The following PPARGC1A variants were observed in gnomAD, a reference collection of about 807,000 sequenced individuals.
The protein encoded by PPARGC1A is peroxisome proliferator-activated receptor gamma coactivator 1-alpha.
A neutral mutation model predicts 88.7 loss-of-function variants in PPARGC1A; 25 were observed. The ratio of observed to expected loss-of-function variants is 0.28; its 90% CI spans 0.21 to 0.39. The LOEUF is 0.39. PPARGC1A is among the 10% of genes least tolerant of loss of function. The pLI is 1.00. For missense variants in PPARGC1A, 880 were observed against 968.7 expected, an observed-to-expected ratio of 0.91 and a Z score of 1.22; for synonymous variants, 363 against 355.6, an observed-to-expected ratio of 1.02 and a Z score of -0.24.
At chr4:23,850,119 A>G (rs1195678429) in intron 2 of PPARGC1A, among the ~76,000 whole-genome samples, 3 of 152,202 alleles carry the variant, frequency 2.0e-5, no homozygotes, top group East Asian at 3.9e-4. Flanking sequence ...TGTTTGAGCT[A>G]CGGGCTTCAG....
chr4:24,361,199 C>A, the PPARGC1A span, among the ~76,000 whole-genome samples: 1 of 151,958 alleles, frequency 6.6e-6, no homozygotes, highest in African/African-American at 2.4e-5. Flanking sequence ...GAGGACAGGG[C>A]GAGAGGTTTA....
chr4:24,278,878 C>T, the PPARGC1A span, among the ~76,000 whole-genome samples: 2 of 152,190 alleles, frequency 1.3e-5, no homozygotes, highest in African/African-American at 2.4e-5. Context: ...GAACAGAAAG[C>T]ATCCACATCA....
At chr4:24,432,530 C>A in the PPARGC1A span, among the ~76,000 whole-genome samples, 1 of 152,192 alleles carries the variant, frequency 6.6e-6, no homozygotes, top group Non-Finnish European at 1.5e-5. Flanking sequence ...TTTAGCGATG[C>A]ATAGAGCGCC....
the PPARGC1A span, among the ~76,000 whole-genome samples, chr4:24,464,426 C>T: frequency 6.6e-6 from 1 of 152,162 alleles, no homozygotes; most frequent in African/African-American, 2.4e-5. Context: ...AATGAAACTA[C>T]AGAATCATAA....
chr4:24,359,217 C>A, the PPARGC1A span, among the ~76,000 whole-genome samples: 3 of 151,906 alleles, frequency 2.0e-5, no homozygotes, highest in Non-Finnish European at 4.4e-5. Flanking sequence ...TATACAAAAT[C>A]AAATAACTTC....
chr4:24,439,271 A>G, the PPARGC1A span, among the ~76,000 whole-genome samples: 2 of 152,218 alleles, frequency 1.3e-5, no homozygotes, highest in African/African-American at 2.4e-5. Flanking sequence ...GGAAAGGCTC[A>G]GGTGAGAGGA....
At chr4:24,453,122 T>C in the PPARGC1A span, among the ~76,000 whole-genome samples, 1 of 152,124 alleles carries the variant, frequency 6.6e-6, no homozygotes, top group Non-Finnish European at 1.5e-5. Flanking sequence ...CATGTGAAGA[T>C]ACAGGGAGAA....
At chr4:24,353,260 T>C in the PPARGC1A span, among the ~76,000 whole-genome samples, 4 of 151,204 alleles carry the variant, frequency 2.6e-5, no homozygotes, top group Non-Finnish European at 5.9e-5. Context: ...ACAAACTAGG[T>C]GCTTATTCTG....
At chr4:24,168,525 C>G in the PPARGC1A span, among the ~76,000 whole-genome samples, 1 of 152,174 alleles carries the variant, frequency 6.6e-6, no homozygotes, top group Non-Finnish European at 1.5e-5. Flanking sequence ...GGACTCTGTA[C>G]AGAAATGGCT....
the PPARGC1A span, among the ~76,000 whole-genome samples, chr4:24,404,674 C>T: frequency 4.6e-5 from 7 of 152,236 alleles, no homozygotes; most frequent in Non-Finnish European, 1.0e-4. Flanking sequence ...GGCATTAGGA[C>T]GTGGCAAATG....
chr4:23,838,610 T>A (rs912717481), intron 2 of PPARGC1A, among the ~76,000 whole-genome samples: 12 of 152,222 alleles, frequency 7.9e-5, no homozygotes, highest in Non-Finnish European at 1.5e-5. Flanking sequence ...AGTTAGCTTA[T>A]TCTTATTTTA....
At chr4:23,958,970 A>G in the PPARGC1A span, among the ~76,000 whole-genome samples, 3 of 151,660 alleles carry the variant, frequency 2.0e-5, no homozygotes, top group Non-Finnish European at 4.4e-5. Context: ...GAACTTGAGT[A>G]TGCAAATAAA....
the PPARGC1A span, among the ~76,000 whole-genome samples, chr4:24,109,053 C>CACCACACACACACACACACAT: frequency 2.0e-5 from 3 of 146,886 alleles, no homozygotes; most frequent in African/African-American, 5.2e-5. Context: ...CACACACACA[C>CACCACACACACACACACACAT]ACACCTGAGA....
At chr4:24,324,613 A>G in the PPARGC1A span, among the ~76,000 whole-genome samples, 1 of 152,140 alleles carries the variant, frequency 6.6e-6, no homozygotes, top group Non-Finnish European at 1.5e-5. Context: ...CTTGACCCCA[A>G]TACAAACTCG....
At chr4:24,458,336 C>CA in the PPARGC1A span, among the ~76,000 whole-genome samples, 1 of 151,808 alleles carries the variant, frequency 6.6e-6, no homozygotes, top group East Asian at 1.9e-4. Flanking sequence ...CCCATCTCCA[C>CA]AAAAAAATAC....
chr4:24,299,088 A>G, the PPARGC1A span, among the ~76,000 whole-genome samples: 2 of 152,182 alleles, frequency 1.3e-5, no homozygotes, highest in East Asian at 3.9e-4. Context: ...AAAATATTTT[A>G]TAGCAAAACC....
chr4:24,230,642 T>TTC, the PPARGC1A span, among the ~76,000 whole-genome samples: 1 of 151,974 alleles, frequency 6.6e-6, no homozygotes, highest in African/African-American at 2.4e-5. Flanking sequence ...AGAACAGGAG[T>TTC]CTGAGTTCCA....
rs1716978160 is a variant in PPARGC1A at position 23,793,379 on chromosome 4, C to A, written c.*2443G>T. On this transcript the variant is annotated 3_prime_UTR_variant, in exon 13 of 13. Coordinates refer to ENST00000264867, the MANE Select transcript of PPARGC1A (RefSeq NM_013261.5). ...TCATAGTATTTTTATTGCTTTCTAT[C>A]TACTTAGAAATAAGAAGCCAAAAAA... 6.6e-6 allele frequency: 1 copy of A among 152,448 alleles called. No individual in the cohort carries two copies. The highest frequency in any genetic ancestry group is 2.1e-4 in the South Asian group (1 of 4,830). 9.4% of individuals were successfully genotyped at this position (152,448 alleles called of 1,614,324 possible).
chr4:24,176,481 A>C, the PPARGC1A span, among the ~76,000 whole-genome samples: 1 of 152,276 alleles, frequency 6.6e-6, no homozygotes, highest in Admixed American at 6.5e-5. Context: ...GAGAGCCAGG[A>C]GATCTTCAAA....
Sources: gnomAD v4.1 joint callset for allele counts (sites outside exome capture counted in the v4.1 genomes callset) on GRCh38, gnomAD v4.1.1 for gene constraint, MANE v1.5 for transcripts, NCBI Gene and HGNC (gene_info 2026-07-23, HGNC 2026-07-21) for gene names.